Variants in CAMSAP1 observed in about 807,000 individuals in gnomAD.
CAMSAP1 encodes calmodulin-regulated spectrin-associated protein 1.
In CAMSAP1, 58 loss-of-function variants were observed where a neutral mutation model predicts 143.5. The observed-to-expected ratio is 0.40, with a 90% CI of 0.33 to 0.50. CAMSAP1 has a LOEUF of 0.50. Ranked by LOEUF, CAMSAP1 falls within the 20% of genes least tolerant of loss-of-function variation. The pLI is 0.45. For missense variants in CAMSAP1, 1,969 were observed against 2,115.7 expected (o/e 0.93, Z 1.36); for synonymous variants, 945 against 859.3 (o/e 1.10, Z -1.74).
intron 7 of CAMSAP1, among the ~76,000 whole-genome samples, chr9:135,840,881 C>T (rs1444042702): frequency 1.3e-5 from 2 of 152,230 alleles, no homozygotes; most frequent in Admixed American, 1.3e-4. Flanking sequence ...TCAGTGCTTA[C>T]ACCACCAGGG....
intron 3 of CAMSAP1, among the ~76,000 whole-genome samples, chr9:135,873,655 T>C (rs1837639027): frequency 6.6e-6 from 1 of 152,098 alleles, no homozygotes; most frequent in South Asian, 2.1e-4. Context: ...CTTATGCCAA[T>C]AAATTCAACT....
At chr9:135,865,660 G>A (rs1441815908) in intron 4 of CAMSAP1, among the ~76,000 whole-genome samples, 2 of 152,158 alleles carry the variant, frequency 1.3e-5, no homozygotes, top group East Asian at 3.9e-4. Context: ...ACGCGGGAAG[G>A]GTCTAGTGCT....
rs527910702 is a variant in CAMSAP1 at position 135,838,724 on chromosome 9, ACAT to A, written c.1046-11143_1046-11141del. ...CACTTTCCACCCGTTCTACAGACAC[ACAT>A]CATCATGCACTTTCCACCTGTTCTA... is the stretch of plus-strand genomic sequence containing the variant. On this transcript the variant is annotated intron_variant, in intron 7 of 16. Coordinates refer to ENST00000389532, the MANE Select transcript of CAMSAP1 (RefSeq NM_015447.4). 1.4e-3 allele frequency among the ~76,000 whole-genome samples: 202 copies of A among 148,396 alleles called. 2 individuals carry two copies. The highest frequency in any genetic ancestry group is 4.8e-3 in the African/African-American group (188 of 39,390).
At chr9:135,831,001 T>A (rs1389208478) in intron 7 of CAMSAP1, among the ~76,000 whole-genome samples, 1 of 151,758 alleles carries the variant, frequency 6.6e-6, no homozygotes, top group Non-Finnish European at 1.5e-5. Context: ...TGAAACACCG[T>A]CTCTACTAAA....
intron 4 of CAMSAP1, among the ~76,000 whole-genome samples, 183 bp from the exon 5 acceptor site, chr9:135,862,791 T>A (rs561176566): frequency 6.6e-6 from 1 of 152,090 alleles, no homozygotes; most frequent in Non-Finnish European, 1.5e-5. Context: ...AACATATATG[T>A]CAAGATCCAA....
intron 4 of CAMSAP1, chr9:135,865,513 C>T: frequency 1.5e-6 from 1 of 686,454 alleles, no homozygotes. Flanking sequence ...GTGTACGTGG[C>T]CATAGTCATG....
In CAMSAP1 at chr9:135,826,968, G is replaced by A. The variant is rs193263851; in HGVS notation, c.1223+439C>T. 9.2e-5 allele frequency among the ~76,000 whole-genome samples: 14 copies of A among 152,254 alleles called. No individual in the cohort carries two copies. Among genetic ancestry groups the A allele is most frequent in the Admixed American group, 5.9e-4 (9 of 15,294 alleles). On this transcript the variant is annotated intron_variant, in intron 8 of 16. Transcript: ENST00000389532. This position sits in a 1 kb window ranked among gnomAD's most constrained non-coding sequence, Gnocchi z 4.4. ...AGCAGCTCTATACACTTTTTCACTC[G>A]AATCAAATTAATTCTTCCCCAAAGA...
In CAMSAP1 at chr9:135,881,195, AT is replaced by A. The variant is rs1212871170; in HGVS notation, c.585+437del. Among the ~76,000 whole-genome samples, 77 of 152,124 alleles carry A rather than the reference AT, an allele frequency of 5.1e-4. 1 individual carries two copies. Among genetic ancestry groups the A allele is most frequent in the Admixed American group, 4.1e-3 (62 of 15,278 alleles). The stretch of plus-strand genomic sequence containing the variant: ...CCCTCTCTACTAAAAATTAAAAAAA[AT>A]AAAAAAATTAATTAGCCAAGCATAG... On this transcript the variant is annotated intron_variant, in intron 3 of 16. Coordinates refer to ENST00000389532, the MANE Select transcript of CAMSAP1 (RefSeq NM_015447.4).
chr9:135,864,833 A>T (rs1456788528), intron 4 of CAMSAP1, among the ~76,000 whole-genome samples: 1 of 152,134 alleles, frequency 6.6e-6, no homozygotes, highest in Non-Finnish European at 1.5e-5. Context: ...GCAACACCCG[A>T]GGAGGAGAAC....
At chr9:135,873,046 T>C (rs1464461721) in intron 3 of CAMSAP1, among the ~76,000 whole-genome samples, 9 of 152,224 alleles carry the variant, frequency 5.9e-5, no homozygotes, top group African/African-American at 1.9e-4. Flanking sequence ...TCTTTTCAAA[T>C]GCATATTAAA....
At chr9:135,865,171 G>C in intron 4 of CAMSAP1, 4 of 680,566 alleles carry the variant, frequency 5.9e-6, no homozygotes, top group Non-Finnish European at 1.0e-5. Context: ...ATTCGGCTCA[G>C]AATCAGGCCA....
intron 3 of CAMSAP1, among the ~76,000 whole-genome samples, chr9:135,871,082 A>T (rs1837556449): frequency 1.3e-5 from 2 of 152,346 alleles, no homozygotes; most frequent in Middle Eastern, 3.4e-3. Flanking sequence ...AATAACAACA[A>T]CATATTGTGA....
intron 7 of CAMSAP1, among the ~76,000 whole-genome samples, chr9:135,833,001 G>A (rs918728155): frequency 2.0e-5 from 3 of 150,694 alleles, no homozygotes; most frequent in African/African-American, 7.3e-5. Flanking sequence ...AAATCCCAAT[G>A]GCATTTTCCA....
chr9:135,865,372 G>T, intron 4 of CAMSAP1: 3 of 1,550,740 alleles, frequency 1.9e-6, no homozygotes, highest in Non-Finnish European at 2.6e-6. Context: ...AGACTGCTCA[G>T]GAAGCGAGAG....
intron 1 of CAMSAP1, among the ~76,000 whole-genome samples, chr9:135,893,493 A>G (rs919402316): frequency 7.2e-5 from 11 of 152,250 alleles, no homozygotes; most frequent in Non-Finnish European, 1.5e-4. Flanking sequence ...TTAACTTTAT[A>G]CAATGGGCTG....
chr9:135,815,722 A>T (rs1339684500), intron 15 of CAMSAP1, among the ~76,000 whole-genome samples, 168 bp downstream of exon 15: 1 of 152,276 alleles, frequency 6.6e-6, no homozygotes, highest in African/African-American at 2.4e-5. Context: ...ACTAAACCAC[A>T]TGCCCATTTC....
At position 135,821,543 on chromosome 9, in the gene CAMSAP1, T is replaced by G; in HGVS notation, c.3118A>C (p.Lys1040Gln). The change falls in exon 11 of 17, where the codon AAA (lysine) becomes CAA (glutamine). Residue 1040 changes from lysine (K) to glutamine (Q), a missense_variant. Physicochemically the swap from Lys to Gln is moderately conservative, Grantham distance 53. Coordinates refer to ENST00000389532, the MANE Select transcript of CAMSAP1 (RefSeq NM_015447.4). This position sits in a 1 kb window ranked among gnomAD's most constrained non-coding sequence, Gnocchi z 4.6. The part of the protein sequence containing the change: ...TISTLQQAIL[K>Q]ISQQQEQLLM... Reference sequence around the variant, plus strand: ...AGCTGCTCTTGCTGCTGAGAGATTTTCAGGATGGCCTGCTGCAGCGTACTG... The same window carrying G: ...AGCTGCTCTTGCTGCTGAGAGATTTGCAGGATGGCCTGCTGCAGCGTACTG... The G allele has an allele frequency of 6.2e-7, 1 of 1,614,034 alleles. No homozygotes were observed. Among genetic ancestry groups the G allele is most frequent in the Non-Finnish European group, 8.5e-7 (1 of 1,179,898 alleles).
rs906363325 is a variant in CAMSAP1 at position 135,907,356 on chromosome 9, C to T, written c.-197G>A. 1.7e-5 allele frequency: 3 copies of T among 181,576 alleles called. No individual in the cohort carries two copies. Among genetic ancestry groups the T allele is most frequent in the African/African-American group, 7.2e-5 (3 of 41,462 alleles). The allele number at this position is 181,576 out of a possible 1,614,324, so 11.2% of individuals were successfully genotyped here. A position where few individuals can be genotyped will look rare whatever the true frequency, so the allele number is the denominator to read the frequency against. ...CCGCGGCTGCTGCATGCTGCGGGCG[C>T]TGAGCCCGAGCGGAGGAGGTGCCGA... is the stretch of plus-strand genomic sequence containing the variant. On this transcript the variant is annotated 5_prime_UTR_variant, in exon 1 of 17. Transcript: ENST00000389532.
intron 7 of CAMSAP1, among the ~76,000 whole-genome samples, chr9:135,837,279 G>A (rs562114189): frequency 5.8e-4 from 84 of 144,758 alleles, no homozygotes; most frequent in Non-Finnish European, 1.0e-3. Context: ...ACATCATCAC[G>A]CACTTTCTAC....
Sources: allele counts gnomAD v4.1 joint callset (sites outside exome capture counted in the v4.1 genomes callset), GRCh38; gene constraint gnomAD v4.1.1; non-coding constraint Gnocchi (gnomAD v3.1); transcripts MANE v1.5; gene names NCBI Gene and HGNC (gene_info 2026-07-23, HGNC 2026-07-21).